PDE10A: variants seen among roughly 807,000 people sequenced by gnomAD.
PDE10A encodes the protein phosphodiesterase 10A, also known as cAMP and cAMP-inhibited cGMP 3',5'-cyclic phosphodiesterase 10A.
Under a neutral mutation model 97.7 loss-of-function variants are expected in PDE10A, and 39 were observed. The observed-to-expected ratio is 0.40, with a 90% confidence interval of 0.31 to 0.52. The LOEUF (loss-of-function observed/expected upper bound fraction) is 0.52, where lower values mean the gene tolerates loss of function less well. Ranked by LOEUF, PDE10A falls within the 20% of genes least tolerant of loss-of-function variation. The pLI, the probability that PDE10A is intolerant of heterozygous loss-of-function variation, is 0.56. For synonymous variants in PDE10A, 371 were observed against 376.8 expected (o/e 0.98, Z 0.18); for missense variants, 731 against 1,047.8 (o/e 0.70, Z 4.17).
Position 165,339,184 on chromosome 6 carries a change from AT to A in PDE10A, c.2976+93del. 3.8e-6 allele frequency: 3 copies of A among 797,064 alleles called. No individual in the cohort carries two copies. The South Asian group carries it at 4.0e-5, about 11-fold the overall frequency. The allele number at this position is 797,064 out of a possible 1,614,324, so 49.4% of individuals were successfully genotyped here. A position where few individuals can be genotyped will look rare whatever the true frequency, so the allele number is the denominator to read the frequency against. On this transcript the variant is annotated intron_variant, in intron 20 of 21. Coordinates refer to ENST00000539869, the MANE Select transcript of PDE10A (RefSeq NM_001385079.1). ...TGGAATAACCCATTCCCTTAACATA[AT>A]ATATGATGACATGCTTTCCATTTAT...
At position 165,655,393 on chromosome 6, in the gene PDE10A, A is replaced by G. The variant is rs984209490; in HGVS notation, c.865+6554T>C. Among the ~76,000 whole-genome samples the G allele has an allele frequency of 6.6e-6, 1 of 151,970 alleles. No individual in the cohort carries two copies. Among genetic ancestry groups the G allele is most frequent in the Non-Finnish European group, 1.5e-5 (1 of 68,000 alleles). On this transcript the variant is annotated intron_variant, in intron 1 of 21. Transcript: ENST00000539869. This position sits in a 1 kb window ranked among gnomAD's most constrained non-coding sequence, Gnocchi z 4.5. ...TGCGCACCCCACGTGCTCCTCCTCC[A>G]GGCTTCCCATCCCAATCCCAGTGAA...
At chr6:165,796,196 C>T (rs545060013) in intron 1 of PDE10A, among the ~76,000 whole-genome samples, 10 of 147,610 alleles carry the variant, frequency 6.8e-5, no homozygotes, top group African/African-American at 2.5e-4. Context: ...CCCGAGTTCA[C>T]GCCATTCTCC....
At chr6:165,335,395 G>T (rs550769311) in intron 21 of PDE10A, among the ~76,000 whole-genome samples, 1 of 152,184 alleles carries the variant, frequency 6.6e-6, no homozygotes, top group South Asian at 2.1e-4. Flanking sequence ...ACAGCATTGG[G>T]CAGGTCCTCT....
At chr6:165,459,347 C>T (rs961713488) in intron 3 of PDE10A, among the ~76,000 whole-genome samples, 2 of 152,124 alleles carry the variant, frequency 1.3e-5, no homozygotes, top group South Asian at 4.1e-4. Flanking sequence ...TCAACACTTC[C>T]TTACCTTTTT....
chr6:165,854,821 C>T (rs984238927), intron 1 of PDE10A, among the ~76,000 whole-genome samples: 1 of 152,294 alleles, frequency 6.6e-6, no homozygotes, highest in Admixed American at 6.5e-5. Flanking sequence ...CAGGGCGGCC[C>T]GTGGCCTTGG....
Position 165,388,502 on chromosome 6 carries a change from A to G in PDE10A, c.2455-49T>C. 6.5e-7 allele frequency: 1 copy of G among 1,542,294 alleles called. No individual in the cohort carries two copies. Among genetic ancestry groups the G allele is most frequent in the Non-Finnish European group, 8.9e-7 (1 of 1,117,468 alleles). ...AGATGCTCAAAACACAGAAACACAC[A>G]TGAGCAGACTTACCGCTTACATTCA... is the stretch of plus-strand genomic sequence containing the variant. On this transcript the variant is annotated intron_variant, in intron 16 of 21. Transcript: ENST00000539869. The surrounding 1 kb of genome is among the most constrained non-coding windows in gnomAD (Gnocchi z 4.0).
intron 1 of PDE10A, among the ~76,000 whole-genome samples, chr6:165,690,588 T>G (rs996761077): frequency 1.3e-5 from 2 of 152,050 alleles, no homozygotes; most frequent in African/African-American, 2.4e-5. Flanking sequence ...TGATGATGGG[T>G]TGGTAGGATG....
intron 1 of PDE10A, among the ~76,000 whole-genome samples, chr6:165,753,936 A>C (rs190815796): frequency 1.9e-3 from 294 of 152,350 alleles, no homozygotes; most frequent in African/African-American, 6.6e-3. Context: ...ACATAGTTTT[A>C]ATTGGCGGTC....
At chr6:165,665,646 C>T (rs1021473295), upstream of PDE10A, among the ~76,000 whole-genome samples, 8 of 151,392 alleles carry the variant, frequency 5.3e-5, no homozygotes, top group Non-Finnish European at 1.2e-4. Flanking sequence ...GTAAAATAAA[C>T]AATTTTCCTT....
intron 1 of PDE10A, among the ~76,000 whole-genome samples, chr6:165,759,160 C>A (rs975772052): frequency 3.3e-5 from 5 of 152,094 alleles, no homozygotes; most frequent in African/African-American, 1.2e-4. Context: ...ATGAGGGACT[C>A]TTTTCTGGGA....
At chr6:165,334,875 G>T (rs1198008212) in intron 21 of PDE10A, among the ~76,000 whole-genome samples, 1 of 151,880 alleles carries the variant, frequency 6.6e-6, no homozygotes, top group African/African-American at 2.4e-5. Flanking sequence ...GTCTTTCCTT[G>T]AAAAAAGCAG....
chr6:165,520,050 G>C (rs1178532984), intron 2 of PDE10A, among the ~76,000 whole-genome samples: 1 of 152,074 alleles, frequency 6.6e-6, no homozygotes, highest in Non-Finnish European at 1.5e-5. Flanking sequence ...TAAAACATAG[G>C]AGCACCAAGC....
At chr6:165,333,649 C>A (rs191082080) in intron 21 of PDE10A, among the ~76,000 whole-genome samples, 5 of 152,208 alleles carry the variant, frequency 3.3e-5, no homozygotes, top group Admixed American at 2.6e-4. Flanking sequence ...GGCAAAACTT[C>A]GGAAATTTTC....
rs1408927266 is a variant in PDE10A at position 165,543,433 on chromosome 6, A to T, written c.994+7T>A. ...TGGTTTAAAATGAGATCCACAAGAG[A>T]CCTTACCTTCTGATTTGTTGTTCTT... On this transcript the variant is annotated splice_region_variant and intron_variant, in intron 2 of 21. Coordinates refer to ENST00000539869, the MANE Select transcript of PDE10A (RefSeq NM_001385079.1). The T allele has an allele frequency of 1.9e-5, 30 of 1,610,758 alleles. No individual in the cohort carries two copies. Among genetic ancestry groups the T allele is most frequent in the Non-Finnish European group, 2.1e-5 (25 of 1,179,028 alleles).
intron 1 of PDE10A, among the ~76,000 whole-genome samples, chr6:165,958,149 C>T (rs1784195159): frequency 6.6e-6 from 1 of 152,218 alleles, no homozygotes; most frequent in Admixed American, 6.5e-5. Context: ...GAGTAGAGAC[C>T]CAGCGTCTCC....
chr6:165,466,794 G>T (rs1778680108), intron 3 of PDE10A, among the ~76,000 whole-genome samples: 1 of 152,068 alleles, frequency 6.6e-6, no homozygotes, highest in Non-Finnish European at 1.5e-5. Flanking sequence ...TGATCTCCAA[G>T]TGTTCAAGTG....
At chr6:165,763,981 A>C (rs2128458490) in intron 1 of PDE10A, among the ~76,000 whole-genome samples, 1 of 152,362 alleles carries the variant, frequency 6.6e-6, no homozygotes, top group African/African-American at 2.4e-5. Context: ...TTACACATGA[A>C]GAAACGGGTT....
chr6:165,767,562 TTCTC>T (rs1434732931), intron 1 of PDE10A, among the ~76,000 whole-genome samples: 1 of 152,226 alleles, frequency 6.6e-6, no homozygotes, highest in Non-Finnish European at 1.5e-5. Context: ...TTTGACTGGC[TTCTC>T]TCTCTTAGCA....
chr6:165,967,231 G>T (rs746223585), intron 1 of PDE10A, among the ~76,000 whole-genome samples: 1 of 152,212 alleles, frequency 6.6e-6, no homozygotes, highest in Non-Finnish European at 1.5e-5. Flanking sequence ...AGGCACAGTG[G>T]TTCACGCCTG....
Sources: gnomAD v4.1 joint callset for allele counts (sites outside exome capture counted in the v4.1 genomes callset) on GRCh38, gnomAD v4.1.1 for gene constraint, Gnocchi (gnomAD v3.1) non-coding constraint, MANE v1.5 for transcripts, NCBI Gene and HGNC (gene_info 2026-07-23, HGNC 2026-07-21) for gene names.